The following PCDHA2 variants were observed in gnomAD, a reference collection of about 807,000 sequenced individuals.
The protein encoded by PCDHA2 is protocadherin alpha-2.
Under a neutral mutation model 66.0 loss-of-function variants are expected in PCDHA2, and 58 were observed. The ratio of observed to expected loss-of-function variants is 0.88; its 90% CI spans 0.71 to 1.09. The LOEUF (loss-of-function observed/expected upper bound fraction) is 1.09, where lower values mean the gene tolerates loss of function less well. Among genes scored for constraint, PCDHA2 ranks in the 50% least tolerant of loss-of-function variants. The probability of loss-of-function intolerance (pLI) is 0.00; values close to 1 mark genes in which losing one functional copy is unlikely to be tolerated. For synonymous variants in PCDHA2, 634 were observed against 554.0 expected, an observed-to-expected ratio of 1.14 and a Z score of -2.03; for missense variants, 1,267 against 1,242.3, an observed-to-expected ratio of 1.02 and a Z score of -0.30.
At position 140,841,596 on chromosome 5, in the gene PCDHA2, G is replaced by T. The variant is rs2150318846; in HGVS notation, c.2388+44244G>T. 3.3e-5 allele frequency: 54 copies of T among 1,613,976 alleles called. No homozygotes were observed. Among genetic ancestry groups the T allele is most frequent in the South Asian group, 5.5e-5 (5 of 91,084 alleles). ...TTGTTTGTGAATTCTCGGATCGACC[G>T]CGAGGAGCTGTGCGGGCGGAGCGCG... On this transcript the variant is annotated intron_variant, in intron 1 of 3. Transcript: ENST00000526136.
intron 1 of PCDHA2, chr5:140,802,145 T>A (rs1554121894): frequency 2.5e-6 from 4 of 1,614,236 alleles, no homozygotes; most frequent in Non-Finnish European, 2.5e-6. Flanking sequence ...GTAAGTCATA[T>A]GAAATCCAGG....
chr5:140,914,318 T>C (rs2076678777), intron 1 of PCDHA2, among the ~76,000 whole-genome samples: 6 of 152,216 alleles, frequency 3.9e-5, no homozygotes, highest in Admixed American at 3.9e-4. Flanking sequence ...CCCATTATCA[T>C]TGTACAAAGA....
chr5:141,000,765 G>T (rs1554257794), intron 3 of PCDHA2, among the ~76,000 whole-genome samples: 9 of 151,816 alleles, frequency 5.9e-5, no homozygotes, highest in Non-Finnish European at 2.9e-5. Context: ...ATCTTAGCCA[G>T]GCATAGTGGC....
At chr5:141,001,536 A>G (rs562513933) in intron 3 of PCDHA2, among the ~76,000 whole-genome samples, 153 of 152,240 alleles carry the variant, frequency 1.0e-3, no homozygotes, top group African/African-American at 3.5e-3. Context: ...CTGATCCTGG[A>G]CAGGATTTGG....
Position 140,846,221 on chromosome 5 carries a change from A to C in PCDHA2, c.2388+48869A>C, listed in dbSNP as rs944343213. Among the ~76,000 whole-genome samples, 2 of 149,362 alleles carry C rather than the reference A, an allele frequency of 1.3e-5. 1 individual carries two copies. The highest frequency in any genetic ancestry group is 3.0e-5 in the Non-Finnish European group (2 of 66,804). On this transcript the variant is annotated intron_variant, in intron 1 of 3. Coordinates refer to ENST00000526136, the MANE Select transcript of PCDHA2 (RefSeq NM_018905.3). ...TGTATGAGATCTTTCCATTAATAGT[A>C]TTTTTCTTAAAAAGAAGTATACAAT... is the stretch of plus-strand genomic sequence containing the variant.
chr5:140,843,178 C>A (rs2150354589), intron 1 of PCDHA2: 1 of 1,596,102 alleles, frequency 6.3e-7, no homozygotes, highest in East Asian at 2.2e-5. Flanking sequence ...GCAGCCCTCG[C>A]ATCCCGTTCC....
At chr5:140,996,077 G>A in intron 3 of PCDHA2, among the ~76,000 whole-genome samples, 1 of 152,218 alleles carries the variant, frequency 6.6e-6, no homozygotes, top group East Asian at 1.9e-4. Flanking sequence ...GATTCAAGAT[G>A]TTTTTGCTAG....
At chr5:140,927,015 G>C in intron 1 of PCDHA2, 1 of 1,612,466 alleles carries the variant, frequency 6.2e-7, no homozygotes, top group Non-Finnish European at 8.5e-7. Context: ...ATCTCTCCGC[G>C]GACTTGAGGC....
chr5:140,870,521 T>A (rs782364094), intron 1 of PCDHA2: 2 of 1,614,078 alleles, frequency 1.2e-6, no homozygotes, highest in Non-Finnish European at 8.5e-7. Flanking sequence ...GGCTGCCACA[T>A]CTTCACAGTG....
At chr5:140,842,722 C>T (rs1554139310) in intron 1 of PCDHA2, 2 of 1,595,034 alleles carry the variant, frequency 1.3e-6, no homozygotes, top group Non-Finnish European at 1.7e-6. Flanking sequence ...TGAAGGAGAA[C>T]AACCCGCCGG....
intron 1 of PCDHA2, chr5:140,851,252 G>T: frequency 9.2e-7 from 1 of 1,089,164 alleles, no homozygotes; most frequent in Non-Finnish European, 1.2e-6. Flanking sequence ...ATGATGCATA[G>T]TATTTTAGTC....
intron 1 of PCDHA2, among the ~76,000 whole-genome samples, chr5:140,944,988 G>A (rs1554216650): frequency 6.6e-6 from 1 of 152,048 alleles, no homozygotes; most frequent in Non-Finnish European, 1.5e-5. Flanking sequence ...GTCTACTTCT[G>A]TAACGGTTGT....
chr5:140,862,867 C>A (rs1562571529), intron 1 of PCDHA2: 4 of 70,810 alleles, frequency 5.6e-5, no homozygotes, highest in Non-Finnish European at 9.2e-5. Context: ...TGTGACGCTG[C>A]CAGGTATTAG....
intron 1 of PCDHA2, chr5:140,823,417 G>T (rs2150125687): frequency 9.9e-6 from 16 of 1,613,174 alleles, no homozygotes; most frequent in Middle Eastern, 1.7e-4. Context: ...GGGCAGCAAC[G>T]TGACGCTGCA....
At chr5:140,968,041 C>T (rs1554230247) in intron 1 of PCDHA2, 1 of 1,614,140 alleles carries the variant, frequency 6.2e-7, no homozygotes, top group Non-Finnish European at 8.5e-7. Context: ...TGGTGAGCGG[C>T]CCACTGGACC....
Position 140,801,774 on chromosome 5 carries a change from G to A in PCDHA2, c.2388+4422G>A, listed in dbSNP as rs143901113. 325 of 1,613,884 alleles carry A rather than the reference G, an allele frequency of 2.0e-4. No homozygotes were observed. In the African/African-American group the frequency reaches 3.5e-3, roughly 17 times the overall value. On this transcript the variant is annotated intron_variant, in intron 1 of 3. Transcript: ENST00000526136. ...AAATGATGAGGAAATTAAATCCCTT[G>A]GACTCGTGTTGAAAAAAAATTTAAA... is the stretch of plus-strand genomic sequence containing the variant.
chr5:140,959,532 T>C (rs919329459), intron 1 of PCDHA2, among the ~76,000 whole-genome samples: 1 of 152,198 alleles, frequency 6.6e-6, no homozygotes, highest in Admixed American at 6.5e-5. Context: ...GACCATTAAT[T>C]CAGAGATGCT....
chr5:140,802,285 C>T lies in PCDHA2; in HGVS notation c.2388+4933C>T, dbSNP rs958561465. 2.5e-6 allele frequency: 4 copies of T among 1,614,112 alleles called. No homozygotes were observed. The African/African-American group carries it at 5.3e-5, about 22-fold the overall frequency. ...CTATCTTTACCTGTATTAGAAGACT[C>T]TCCACTTAGCACAGTCATCGCTCTG... On this transcript the variant is annotated intron_variant, in intron 1 of 3. Transcript: ENST00000526136.
chr5:140,947,625 T>C (rs2094153389), intron 1 of PCDHA2, among the ~76,000 whole-genome samples: 1 of 151,648 alleles, frequency 6.6e-6, no homozygotes, highest in Non-Finnish European at 1.5e-5. Context: ...CAATATTGAG[T>C]CATCAGATCG....
Sources: gnomAD v4.1 joint callset for allele counts (sites outside exome capture counted in the v4.1 genomes callset) on GRCh38, gnomAD v4.1.1 for gene constraint, MANE v1.5 for transcripts, NCBI Gene and HGNC (gene_info 2026-07-23, HGNC 2026-07-21) for gene names.